LAPTM5: variants seen among roughly 807,000 people sequenced by gnomAD.
LAPTM5 encodes the protein lysosomal protein transmembrane 5.
LAPTM5 carries 11 observed loss-of-function variants against 30.1 expected under a neutral mutation model. The observed-to-expected ratio is 0.37, with a 90% CI of 0.23 to 0.60. The LOEUF (loss-of-function observed/expected upper bound fraction) is 0.60. Among genes scored for constraint, LAPTM5 ranks in the 20% least tolerant of loss-of-function variants. The probability of loss-of-function intolerance (pLI) is 0.71; values close to 1 mark genes in which losing one functional copy is unlikely to be tolerated. For missense variants in LAPTM5, 324 were observed against 332.5 expected, an observed-to-expected ratio of 0.97 and a Z score of 0.20; for synonymous variants, 151 against 137.9, an observed-to-expected ratio of 1.10 and a Z score of -0.67.
chr1:30,739,119 A>G lies in LAPTM5; in HGVS notation c.388-57T>C. The G allele has an allele frequency of 6.5e-7, 1 of 1,544,402 alleles. No homozygotes were observed. The highest frequency in any genetic ancestry group is 8.8e-7 in the Non-Finnish European group (1 of 1,142,624). On this transcript the variant is annotated intron_variant, in intron 4 of 7. Coordinates refer to ENST00000294507, the MANE Select transcript of LAPTM5 (RefSeq NM_006762.3). This position sits in a 1 kb window ranked among gnomAD's most constrained non-coding sequence, Gnocchi z 4.2. ...AGGAGCAGCAATTAAAGTCCCAGTT[A>G]CTGAGCGGCACATAGTAGGCCCTCA... is the stretch of plus-strand genomic sequence containing the variant.
In LAPTM5 at chr1:30,757,419, G is replaced by A. The variant is rs552418680; in HGVS notation, c.87+240C>T. ...GAGTGAACGTCAGTTACATTTGCCTGGAAAGTGGATTCCAGCTCCCTTACT... is the reference window on the plus strand; with the variant it reads ...GAGTGAACGTCAGTTACATTTGCCTAGAAAGTGGATTCCAGCTCCCTTACT... On this transcript the variant is annotated intron_variant, in intron 1 of 7. Transcript: ENST00000294507. Among the ~76,000 whole-genome samples, 7 of 152,322 alleles carry A rather than the reference G, an allele frequency of 4.6e-5. No individual in the cohort carries two copies. The South Asian group carries it at 1.4e-3, about 32-fold the overall frequency.
At chr1:30,735,693 T>C (rs1485900021) in intron 6 of LAPTM5, among the ~76,000 whole-genome samples, 1 of 152,218 alleles carries the variant, frequency 6.6e-6, no homozygotes, top group African/African-American at 2.4e-5. Flanking sequence ...GCATGTGCAG[T>C]ATTGGTCCAT....
chr1:30,736,354 G>GT (rs1639885110), intron 6 of LAPTM5, among the ~76,000 whole-genome samples: 1 of 152,214 alleles, frequency 6.6e-6, no homozygotes, highest in African/African-American at 2.4e-5. Flanking sequence ...AATGCACCCA[G>GT]TTGTCAGCAG....
chr1:30,733,759 C>T lies in LAPTM5; in HGVS notation c.*69G>A. On this transcript the variant is annotated 3_prime_UTR_variant, in exon 8 of 8. Transcript: ENST00000294507. ...GGGCCCACCCAGGCCACAGGGGCCA[C>T]CAAAGCAAAAAAGCAGATTATGAGG... 6.5e-7 allele frequency: 1 copy of T among 1,548,522 alleles called. No individual in the cohort carries two copies. Among genetic ancestry groups the T allele is most frequent in the Admixed American group, 2.0e-5 (1 of 49,020 alleles).
intron 5 of LAPTM5, among the ~76,000 whole-genome samples, chr1:30,737,956 C>G (rs1281044652): frequency 1.3e-5 from 2 of 152,220 alleles, no homozygotes; most frequent in Non-Finnish European, 2.9e-5. Flanking sequence ...ACCGGCCCAT[C>G]CCCAGCTGGC....
intron 5 of LAPTM5, among the ~76,000 whole-genome samples, chr1:30,738,233 AC>A (rs1242286394): frequency 2.0e-5 from 3 of 152,178 alleles, no homozygotes; most frequent in Non-Finnish European, 4.4e-5. Flanking sequence ...GGACTTAGCA[AC>A]GCACTTCTAA....
chr1:30,739,978 C>T lies in LAPTM5; in HGVS notation c.259-41G>A, dbSNP rs2124181419. On this transcript the variant is annotated intron_variant, in intron 3 of 7. Coordinates refer to ENST00000294507, the MANE Select transcript of LAPTM5 (RefSeq NM_006762.3). This position sits in a 1 kb window ranked among gnomAD's most constrained non-coding sequence, Gnocchi z 4.2. Reference sequence around the variant, plus strand: ...AGCACCGTCAAGTGTCCCCTGCATGCAGCCAACACTCCGCCACCCAGCCTG... The same window carrying T: ...AGCACCGTCAAGTGTCCCCTGCATGTAGCCAACACTCCGCCACCCAGCCTG... 2 of 1,515,194 alleles carry T rather than the reference C, an allele frequency of 1.3e-6. No homozygotes were observed. Among genetic ancestry groups the T allele is most frequent in the Non-Finnish European group, 1.8e-6 (2 of 1,124,654 alleles). 93.9% of individuals were successfully genotyped at this position (1,515,194 alleles called of 1,614,324 possible).
intron 2 of LAPTM5, 115 bp from the exon 3 acceptor site, chr1:30,741,831 G>A: frequency 1.5e-6 from 1 of 664,408 alleles, no homozygotes; most frequent in Non-Finnish European, 2.5e-6. Flanking sequence ...GCACAGGAAA[G>A]CCCAGGCCCT....
chr1:30,751,154 G>A (rs993173103), intron 1 of LAPTM5, among the ~76,000 whole-genome samples: 1 of 152,244 alleles, frequency 6.6e-6, no homozygotes, highest in Non-Finnish European at 1.5e-5. Context: ...CTCTCTGGGT[G>A]GGATGGGCCA....
chr1:30,743,795 G>T (rs936704852), intron 1 of LAPTM5, among the ~76,000 whole-genome samples: 3 of 107,860 alleles, frequency 2.8e-5, no homozygotes, highest in African/African-American at 7.3e-5. Flanking sequence ...GACTGTGTGG[G>T]TTTTTTTTTT....
rs1413556881 is a variant in LAPTM5, at chr1:30,757,706, A to T, written c.40T>A (p.Cys14Ser). The T allele has an allele frequency of 6.2e-7, 1 of 1,613,892 alleles. No homozygotes were observed. Among genetic ancestry groups the T allele is most frequent in the South Asian group, 1.1e-5 (1 of 91,076 alleles). The change falls in exon 1 of 8, where the codon TGC becomes AGC. Residue 14 changes from cysteine to serine, a missense_variant. Transcript: ENST00000294507. ...GTGGTTGCGATGCGGACATTGAAGC[A>T]GCAGCAGGTCTGGCGGACAGTGGAC... ...RLSTVRQTCC[C>S]FNVRIATTAL... is the part of the protein sequence containing the mutation.
At position 30,742,557 on chromosome 1, in the gene LAPTM5, C is replaced by T; in HGVS notation, c.88-8G>A. 1 of 1,609,658 alleles carries T rather than the reference C, an allele frequency of 6.2e-7. No homozygotes were observed. ...CAACAAGACGCTCATGATCTGGAGGCAAAGCAAAGCATCAGTCAGCTGAGC... is the reference window on the plus strand; with the variant it reads ...CAACAAGACGCTCATGATCTGGAGGTAAAGCAAAGCATCAGTCAGCTGAGC... On this transcript the variant is annotated splice_polypyrimidine_tract_variant and splice_region_variant and intron_variant, in intron 1 of 7. Transcript: ENST00000294507.
intron 1 of LAPTM5, among the ~76,000 whole-genome samples, chr1:30,752,505 T>C (rs944692488): frequency 1.3e-5 from 2 of 151,896 alleles, no homozygotes; most frequent in Non-Finnish European, 2.9e-5. Flanking sequence ...GTCATGCTAC[T>C]CCCCCCGCCC....
chr1:30,742,421 C>A (rs761645838), intron 2 of LAPTM5, 35 bp downstream of exon 2: 3 of 1,498,218 alleles, frequency 2.0e-6, no homozygotes, highest in African/African-American at 2.7e-5. Context: ...CTGTCCTCCT[C>A]CCCCCGCCAC....
chr1:30,739,047 G>A lies in LAPTM5; in HGVS notation c.403C>T (p.Pro135Ser), dbSNP rs34101571. The change falls in exon 5 of 8, where the codon CCC (proline) becomes TCC (serine). Residue 135 changes from proline (P) to serine (S), a missense_variant. By Grantham distance (74) the Pro-to-Ser change is moderately conservative. Coordinates refer to ENST00000294507, the MANE Select transcript of LAPTM5 (RefSeq NM_006762.3). This position sits in a 1 kb window ranked among gnomAD's most constrained non-coding sequence, Gnocchi z 4.2. ...TCCAGCAGCTGCAGCGTCATCAGGGGGAACTTGGAGGAGCTCTGGGGAGGA... is the reference window on the plus strand; with the variant it reads ...TCCAGCAGCTGCAGCGTCATCAGGGAGAACTTGGAGGAGCTCTGGGGAGGA... ...SRSRASSSKF[P>S]LMTLQLLDFC... The A allele has an allele frequency of 9.1e-3, 14,490 of 1,596,448 alleles. 100 individuals are homozygous for A. Among genetic ancestry groups the A allele is most frequent in the Middle Eastern group, 9.9e-3 (59 of 5,930 alleles).
At chr1:30,757,279 C>T (rs1407883) in intron 1 of LAPTM5, among the ~76,000 whole-genome samples, 94,228 of 152,092 alleles carry the variant, frequency 0.62, 30,340 homozygotes, top group East Asian at 0.82. Context: ...CCACGTTCCT[C>T]CCAAGATCCC....
chr1:30,748,366 C>T (rs1240064936), intron 1 of LAPTM5, among the ~76,000 whole-genome samples: 1 of 152,164 alleles, frequency 6.6e-6, no homozygotes, highest in Non-Finnish European at 1.5e-5. Context: ...TCCCTTGCCC[C>T]TCCCCCTCAG....
rs114463600 is a variant in LAPTM5 at position 30,735,936 on chromosome 1, C to T, written c.607-671G>A. ...TGGGGCAAGGAGACATATGGAGGTA[C>T]GGAGTGACAAAGAATGAAGCATGAA... On this transcript the variant is annotated intron_variant, in intron 6 of 7. Coordinates refer to ENST00000294507, the MANE Select transcript of LAPTM5 (RefSeq NM_006762.3). 9.9e-3 allele frequency among the ~76,000 whole-genome samples: 1,504 copies of T among 152,086 alleles called. 26 individuals carry two copies. Among genetic ancestry groups the T allele is most frequent in the African/African-American group, 0.035 (1,442 of 41,462 alleles).
chr1:30,742,133 G>C (rs1164092320), intron 2 of LAPTM5: 1 of 428,374 alleles, frequency 2.3e-6, no homozygotes. Context: ...CTATGGTGAG[G>C]AGTTTCCATT....
Sources: allele counts gnomAD v4.1 joint callset (sites outside exome capture counted in the v4.1 genomes callset), GRCh38; gene constraint gnomAD v4.1.1; non-coding constraint Gnocchi (gnomAD v3.1); transcripts MANE v1.5; gene names NCBI Gene and HGNC (gene_info 2026-07-23, HGNC 2026-07-21).